JARID2: variants seen among roughly 807,000 people sequenced by gnomAD.
JARID2 encodes jumonji and AT-rich interaction domain containing 2, also known as protein Jumonji.
JARID2 carries 21 observed loss-of-function variants against 125.6 expected under a neutral mutation model. That is an observed-to-expected ratio of 0.17 (90% CI 0.12 to 0.24). The LOEUF is 0.24. JARID2 is among the 10% of genes least tolerant of loss of function. The pLI is 1.00. For missense variants in JARID2, 1,303 were observed against 1,639.6 expected (o/e 0.79, Z 3.55); for synonymous variants, 736 against 661.6 (o/e 1.11, Z -1.73).
intron 2 of JARID2, among the ~76,000 whole-genome samples, chr6:15,381,162 G>T (rs557954499): frequency 2.2e-4 from 34 of 151,286 alleles, no homozygotes; most frequent in African/African-American, 8.3e-4. Flanking sequence ...GACCATCCTG[G>T]CTAACATGGT....
rs535080728 is a variant in JARID2, at chr6:15,520,958, G to GA, written c.*708dup. ...AAGACGGAAAAGACTGCCTGCCTTG[G>GA]AGGGGTCACATGAGGGAGACCTGTG... is the stretch of plus-strand genomic sequence containing the variant. On this transcript the variant is annotated 3_prime_UTR_variant, in exon 18 of 18. Transcript: ENST00000341776. 5.1e-4 allele frequency: 197 copies of GA among 389,290 alleles called. No homozygotes were observed. In the East Asian group the frequency reaches 9.0e-3, roughly 18 times the overall value. 24.1% of individuals were successfully genotyped at this position (389,290 alleles called of 1,614,324 possible).
At chr6:15,397,630 C>G (rs965924945) in intron 2 of JARID2, among the ~76,000 whole-genome samples, 2 of 152,184 alleles carry the variant, frequency 1.3e-5, no homozygotes, top group African/African-American at 4.8e-5. Context: ...GTTCCTTGGT[C>G]TCTCTTGTGA....
chr6:15,444,724 C>T (rs940076400), intron 3 of JARID2, among the ~76,000 whole-genome samples: 4 of 146,852 alleles, frequency 2.7e-5, no homozygotes, highest in Non-Finnish European at 4.5e-5. Context: ...TTGCCAGACA[C>T]GAACTGTCTG....
intron 3 of JARID2, among the ~76,000 whole-genome samples, chr6:15,423,362 C>A (rs1766586235): frequency 6.6e-6 from 1 of 152,028 alleles, no homozygotes. Context: ...AGGTTGGGGA[C>A]AGGATAGTGG....
At chr6:15,302,132 G>C (rs1241536053) in intron 1 of JARID2, among the ~76,000 whole-genome samples, 1 of 152,114 alleles carries the variant, frequency 6.6e-6, no homozygotes, top group Non-Finnish European at 1.5e-5. Context: ...GAGTAATGAA[G>C]AGGCCGGGTG....
chr6:15,337,774 A>G (rs578244127), intron 1 of JARID2, among the ~76,000 whole-genome samples: 2 of 152,206 alleles, frequency 1.3e-5, no homozygotes, highest in African/African-American at 4.8e-5. Context: ...AGGGAAGTTA[A>G]CGAAGGAACG....
chr6:15,248,070 TTTC>T (rs1020865761), intron 1 of JARID2: 38 of 985,128 alleles, frequency 3.9e-5, no homozygotes, highest in Non-Finnish European at 4.5e-5. Flanking sequence ...GTGGGTTTTC[TTTC>T]TTATTGCGGG....
At chr6:15,431,452 C>G (rs1046477388) in intron 3 of JARID2, among the ~76,000 whole-genome samples, 2 of 152,144 alleles carry the variant, frequency 1.3e-5, no homozygotes, top group African/African-American at 4.8e-5. Flanking sequence ...CAGCTTTACC[C>G]TTCTGAAGGT....
chr6:15,297,740 C>G (rs1761465456), intron 1 of JARID2, among the ~76,000 whole-genome samples: 1 of 152,100 alleles, frequency 6.6e-6, no homozygotes, highest in Non-Finnish European at 1.5e-5. Context: ...TCCTAGCCCC[C>G]TTTGAATCCT....
intron 1 of JARID2, among the ~76,000 whole-genome samples, chr6:15,257,010 T>C (rs1245730383): frequency 6.6e-6 from 1 of 152,324 alleles, no homozygotes; most frequent in South Asian, 2.1e-4. Context: ...AATTTTATAG[T>C]TGAGAATTCC....
intron 2 of JARID2, among the ~76,000 whole-genome samples, chr6:15,396,442 G>A (rs1296336475): frequency 1.3e-5 from 2 of 152,114 alleles, no homozygotes; most frequent in African/African-American, 2.4e-5. Flanking sequence ...AAGGTTTTTA[G>A]TGCAAGGTGT....
chr6:15,492,791 C>A (rs968464931), intron 6 of JARID2, among the ~76,000 whole-genome samples: 1 of 152,080 alleles, frequency 6.6e-6, no homozygotes, highest in African/African-American at 2.4e-5. Context: ...TTTCAGTCTT[C>A]GTAATTGTTT....
At chr6:15,425,997 C>T (rs534417137) in intron 3 of JARID2, among the ~76,000 whole-genome samples, 7 of 152,258 alleles carry the variant, frequency 4.6e-5, no homozygotes, top group Admixed American at 2.0e-4. Flanking sequence ...ATGTGAGCTG[C>T]CAGCTGTGGG....
intron 5 of JARID2, among the ~76,000 whole-genome samples, chr6:15,474,771 A>G (rs1769259240): frequency 6.6e-6 from 1 of 152,212 alleles, no homozygotes; most frequent in South Asian, 2.1e-4. Context: ...TTGTCCCTGT[A>G]ATCCATTCTT....
At chr6:15,402,999 A>ATTATT (rs1287155735) in intron 2 of JARID2, among the ~76,000 whole-genome samples, 11 of 152,260 alleles carry the variant, frequency 7.2e-5, no homozygotes, top group African/African-American at 2.4e-4. Flanking sequence ...TTTATAATTC[A>ATTATT]GTCATTATTA....
chr6:15,415,633 C>A (rs1288004674), intron 3 of JARID2, among the ~76,000 whole-genome samples: 1 of 144,434 alleles, frequency 6.9e-6, no homozygotes, highest in South Asian at 2.2e-4. Flanking sequence ...GGCGGCTGGC[C>A]GGGCGGGGGG....
chr6:15,285,947 C>T (rs1561770471), intron 1 of JARID2, among the ~76,000 whole-genome samples: 1 of 152,212 alleles, frequency 6.6e-6, no homozygotes, highest in Non-Finnish European at 1.5e-5. Flanking sequence ...ACTCAACAAC[C>T]TGCAATTTCT....
intron 9 of JARID2, among the ~76,000 whole-genome samples, chr6:15,506,605 TTGTCTCA>T (rs1771016616): frequency 6.6e-6 from 1 of 152,188 alleles, no homozygotes; most frequent in Non-Finnish European, 1.5e-5. Flanking sequence ...GTGGGGAGGC[TTGTCTCA>T]AGGGAGCCTG....
At chr6:15,424,521 A>G (rs1250599657) in intron 3 of JARID2, among the ~76,000 whole-genome samples, 1 of 152,180 alleles carries the variant, frequency 6.6e-6, no homozygotes, top group Non-Finnish European at 1.5e-5. Flanking sequence ...CAGTTATCTG[A>G]AAGAAGAGCA....
Sources: gnomAD v4.1 joint callset for allele counts (sites outside exome capture counted in the v4.1 genomes callset) on GRCh38, gnomAD v4.1.1 for gene constraint, MANE v1.5 for transcripts, NCBI Gene and HGNC (gene_info 2026-07-23, HGNC 2026-07-21) for gene names.